TJP3: variants seen among roughly 807,000 people sequenced by gnomAD.
The protein encoded by TJP3 is tight junction protein ZO-3.
TJP3 carries 85 observed loss-of-function variants against 104.2 expected under a neutral mutation model. The ratio of observed to expected loss-of-function variants is 0.82; its 90% CI spans 0.68 to 0.98. The LOEUF is 0.98. Among genes scored for constraint, TJP3 ranks in the 50% least tolerant of loss-of-function variants. The pLI, the probability that TJP3 is intolerant of heterozygous loss-of-function variation, is 0.00. For synonymous variants in TJP3, 550 were observed against 550.6 expected, an observed-to-expected ratio of 1.00 and a Z score of 0.02; for missense variants, 1,367 against 1,322.8, an observed-to-expected ratio of 1.03 and a Z score of -0.52.
At chr19:3,742,145 C>A (rs906485978) in intron 14 of TJP3, among the ~76,000 whole-genome samples, 6 of 152,052 alleles carry the variant, frequency 3.9e-5, no homozygotes, top group Non-Finnish European at 7.4e-5. Flanking sequence ...AATAATTTAT[C>A]TTCTTTGACC....
At position 3,735,646 on chromosome 19, in the gene TJP3, G is replaced by A. The variant is rs761708219; in HGVS notation, c.1060+7G>A. 6.2e-7 allele frequency: 1 copy of A among 1,614,166 alleles called. No individual in the cohort carries two copies. The highest frequency in any genetic ancestry group is 8.5e-7 in the Non-Finnish European group (1 of 1,180,008). On this transcript the variant is annotated splice_region_variant and intron_variant, in intron 9 of 20. Coordinates refer to ENST00000541714, the MANE Select transcript of TJP3 (RefSeq NM_001267560.2). ...CCAGATGAGCAACGGTCAGGTGGGT[G>A]GTGACTCTGAGCACCCCTGTCCCTG...
In TJP3 at chr19:3,746,045, C is replaced by A; in HGVS notation, c.1974C>A (p.Ile658=). 6.2e-7 allele frequency: 1 copy of A among 1,610,110 alleles called. No individual in the cohort carries two copies. Among genetic ancestry groups the A allele is most frequent in the Non-Finnish European group, 8.5e-7 (1 of 1,178,134 alleles). The change falls in exon 16 of 21, where the codon ATC becomes ATA. Residue 658 remains isoleucine (I), a synonymous_variant. Transcript: ENST00000541714. The surrounding 1 kb of genome is among the most constrained non-coding windows in gnomAD (Gnocchi z 4.1). ...CCAGGACCGACAGCCCCTCCAAGATCATCAAACTAGACACCGTGCGGGTGA... is the reference window on the plus strand; with the variant it reads ...CCAGGACCGACAGCCCCTCCAAGATAATCAAACTAGACACCGTGCGGGTGA... ...TVSRTDSPSK[I]IKLDTVRVIA...
At chr19:3,735,685 C>T in intron 9 of TJP3, 46 bp downstream of exon 9, 2 of 1,611,628 alleles carry the variant, frequency 1.2e-6, no homozygotes, top group Non-Finnish European at 8.5e-7. Context: ...TTTCTGATCC[C>T]TGACAGCAAG....
At chr19:3,739,362 T>C (rs181778965) in intron 13 of TJP3, among the ~76,000 whole-genome samples, 255 of 152,292 alleles carry the variant, frequency 1.7e-3, no homozygotes, top group African/African-American at 6.0e-3. Context: ...TGGTGGCACA[T>C]GCCTATAATC....
intron 1 of TJP3, among the ~76,000 whole-genome samples, chr19:3,709,156 C>G (rs2036410996): frequency 6.6e-6 from 1 of 152,048 alleles, no homozygotes; most frequent in Non-Finnish European, 1.5e-5. Flanking sequence ...GCTCTTGTTG[C>G]CCAGGCTGGA....
chr19:3,730,535 C>CGGCCGAGGCCTGGT lies in TJP3; in HGVS notation c.443_456dup (p.Arg153GlyfsTer43), dbSNP rs764410258. 4 of 1,598,466 alleles carry CGGCCGAGGCCTGGT rather than the reference C, an allele frequency of 2.5e-6. No homozygotes were observed. Among genetic ancestry groups the CGGCCGAGGCCTGGT allele is most frequent in the Non-Finnish European group, 3.4e-6 (4 of 1,175,190 alleles). On this transcript the variant is annotated frameshift_variant, in exon 5 of 21. Coordinates refer to ENST00000541714, the MANE Select transcript of TJP3 (RefSeq NM_001267560.2). LOFTEE classifies it high-confidence loss of function. The surrounding 1 kb of genome is among the most constrained non-coding windows in gnomAD (Gnocchi z 7.3). ...CCGCTCCTGGGACGAGCGCTCCCGC[C>CGGCCGAGGCCTGGT]GGCCGAGGCCTGGTCGCCGGGGCCG...
rs184889448 is a variant in TJP3, at chr19:3,734,320, C to G, written c.878-7C>G. The G allele has an allele frequency of 4.3e-6, 7 of 1,613,166 alleles. No individual in the cohort carries two copies. Among genetic ancestry groups the G allele is most frequent in the African/African-American group, 2.7e-5 (2 of 75,050 alleles). On this transcript the variant is annotated splice_polypyrimidine_tract_variant and splice_region_variant and intron_variant, in intron 7 of 20. Transcript: ENST00000541714. ...CATGGCTGATGAGATGTCCTCTCCCCCTGCAGACATCTCGGACCTCGCCTC... is the reference window on the plus strand; with the variant it reads ...CATGGCTGATGAGATGTCCTCTCCCGCTGCAGACATCTCGGACCTCGCCTC...
At chr19:3,717,485 GA>G (rs1425181814) in intron 1 of TJP3, among the ~76,000 whole-genome samples, 2 of 150,798 alleles carry the variant, frequency 1.3e-5, no homozygotes, top group Non-Finnish European at 2.9e-5. Context: ...ACCCAGGCTG[GA>G]GTGCAGTGGC....
rs532619392 is a variant in TJP3, at chr19:3,739,217, C to T, written c.1631+83C>T. ...TAGAAATGGGCTCGATTGGGCTGGA[C>T]GCGGTGGCTCAGGCCTGTAATCCTG... On this transcript the variant is annotated intron_variant, in intron 13 of 20. Coordinates refer to ENST00000541714, the MANE Select transcript of TJP3 (RefSeq NM_001267560.2). 1.1e-4 allele frequency: 139 copies of T among 1,319,724 alleles called. No individual in the cohort carries two copies. In the South Asian group the frequency reaches 1.1e-3, roughly 10 times the overall value. 81.8% of individuals were successfully genotyped at this position (1,319,724 alleles called of 1,614,324 possible).
intron 7 of TJP3, 75 bp from the exon 8 acceptor site, chr19:3,734,252 G>A: frequency 6.9e-7 from 1 of 1,443,646 alleles, no homozygotes; most frequent in Non-Finnish European, 9.6e-7. Flanking sequence ...GAGGGGTGTT[G>A]ATATACCCCT....
chr19:3,713,221 C>T (rs1260178297), intron 1 of TJP3, among the ~76,000 whole-genome samples: 1 of 152,134 alleles, frequency 6.6e-6, no homozygotes. Context: ...AACCCACAGA[C>T]CGGGGCGTCT....
chr19:3,724,348 A>G (rs1599147682), intron 1 of TJP3, among the ~76,000 whole-genome samples: 2 of 152,160 alleles, frequency 1.3e-5, no homozygotes, highest in Middle Eastern at 6.8e-3. Flanking sequence ...GGCGCCGGCC[A>G]CCACGCCCTG....
intron 1 of TJP3, chr19:3,721,864 AGG>A (rs1335545360): frequency 1.7e-6 from 2 of 1,175,750 alleles, no homozygotes; most frequent in East Asian, 7.0e-5. Flanking sequence ...CCCCTCGGGT[AGG>A]GGGGCTGGAG....
At chr19:3,750,035 C>T (rs1599167952) in intron 19 of TJP3, 103 bp from the exon 20 acceptor site, 4 of 1,472,360 alleles carry the variant, frequency 2.7e-6, no homozygotes, top group East Asian at 2.3e-5. Context: ...AAGTGGGCAG[C>T]ATGGCCCGGG....
chr19:3,717,076 T>C lies in TJP3; in HGVS notation c.-10+8515T>C, dbSNP rs1292866771. On this transcript the variant is annotated intron_variant, in intron 1 of 20. Coordinates refer to ENST00000541714, the MANE Select transcript of TJP3 (RefSeq NM_001267560.2). ...CGCCTCCCGGGCTCAAGCAATTCTC[T>C]TGCCTCAGCCTCTCTAGTAGCTGGG... is the stretch of plus-strand genomic sequence containing the variant. 9.6e-5 allele frequency among the ~76,000 whole-genome samples: 14 copies of C among 145,300 alleles called. 1 individual carries two copies. The highest frequency in any genetic ancestry group is 2.0e-4 in the East Asian group (1 of 4,998).
intron 1 of TJP3, among the ~76,000 whole-genome samples, chr19:3,710,958 C>T (rs1394238968): frequency 6.6e-6 from 1 of 152,000 alleles, no homozygotes. Context: ...GGCTGGAGTG[C>T]GGTGGCGCGA....
intron 1 of TJP3, among the ~76,000 whole-genome samples, chr19:3,725,116 G>T (rs1172117372): frequency 1.3e-5 from 2 of 152,088 alleles, no homozygotes; most frequent in Admixed American, 6.6e-5. Context: ...AAAAAAATAT[G>T]CTGTGTGTGG....
In TJP3 at chr19:3,736,282, C is replaced by A. The variant is rs369162611; in HGVS notation, c.1245C>A (p.Ala415=). Residue 415 remains alanine (A), a synonymous_variant, in exon 11 of 21, where the codon GCC becomes GCA. Transcript: ENST00000541714. ...CCGGGGTGCAGGCGGGCAGCCCGGC[C>A]GACGGGCAGGGCATCCAGGAGGGAG... is the stretch of plus-strand genomic sequence containing the variant. The part of the protein sequence containing the change: ...FVSGVQAGSP[A]DGQGIQEGDQ... 1 of 1,537,900 alleles carries A rather than the reference C, an allele frequency of 6.5e-7. No homozygotes were observed. The highest frequency in any genetic ancestry group is 8.7e-7 in the Non-Finnish European group (1 of 1,145,298).
At chr19:3,720,902 T>TTTC (rs1555737401) in intron 1 of TJP3, among the ~76,000 whole-genome samples, 3 of 39,296 alleles carry the variant, frequency 7.6e-5, no homozygotes, top group Non-Finnish European at 1.5e-4. Context: ...CTTCCTTTTC[T>TTTC]TTTTTTTTTT....
Sources: gnomAD v4.1 joint callset for allele counts (sites outside exome capture counted in the v4.1 genomes callset) on GRCh38, gnomAD v4.1.1 for gene constraint, Gnocchi (gnomAD v3.1) non-coding constraint, MANE v1.5 for transcripts, NCBI Gene and HGNC (gene_info 2026-07-23, HGNC 2026-07-21) for gene names.